Variants in RORA observed in about 807,000 individuals in gnomAD.
The protein encoded by RORA is nuclear receptor ROR-alpha.
A neutral mutation model predicts 69.5 loss-of-function variants in RORA; 7 were observed. The observed-to-expected ratio is 0.10, with a 90% CI of 0.06 to 0.19. The LOEUF (loss-of-function observed/expected upper bound fraction) is 0.19, where lower values mean the gene tolerates loss of function less well. Among genes scored for constraint, RORA ranks in the 10% least tolerant of loss-of-function variants. The pLI is 1.00. For synonymous variants in RORA, 261 were observed against 240.8 expected (o/e 1.08, Z -0.78); for missense variants, 457 against 663.0 (o/e 0.69, Z 3.41).
chr15:60,651,717 A>G (rs944510515), intron 2 of RORA, among the ~76,000 whole-genome samples: 3 of 152,184 alleles, frequency 2.0e-5, no homozygotes, highest in Non-Finnish European at 4.4e-5. Context: ...CTTCAGCCCC[A>G]GTCTTTTTAA....
At chr15:60,797,783 G>A (rs1266453810) in intron 1 of RORA, among the ~76,000 whole-genome samples, 2 of 152,072 alleles carry the variant, frequency 1.3e-5, no homozygotes, top group Non-Finnish European at 2.9e-5. Context: ...GGCTCATCGA[G>A]CAATTGCCAG....
At chr15:60,940,474 A>G (rs1283769980) in intron 1 of RORA, among the ~76,000 whole-genome samples, 1 of 152,182 alleles carries the variant, frequency 6.6e-6, no homozygotes, top group Non-Finnish European at 1.5e-5. Flanking sequence ...CAGAAAGCTG[A>G]TCTGTGGAAG....
At chr15:61,112,334 C>G (rs766610012) in intron 1 of RORA, among the ~76,000 whole-genome samples, 1 of 152,068 alleles carries the variant, frequency 6.6e-6, no homozygotes, top group Admixed American at 6.5e-5. Context: ...GTCTGAGAAG[C>G]CTTGCTCCAG....
intron 1 of RORA, among the ~76,000 whole-genome samples, chr15:60,903,166 T>A (rs1891438412): frequency 6.6e-6 from 1 of 152,056 alleles, no homozygotes; most frequent in Non-Finnish European, 1.5e-5. Flanking sequence ...GGCTTGAAAT[T>A]TATATTAGTT....
At chr15:61,018,816 C>G (rs750067742) in intron 1 of RORA, among the ~76,000 whole-genome samples, 8 of 152,124 alleles carry the variant, frequency 5.3e-5, no homozygotes, top group Non-Finnish European at 8.8e-5. Context: ...CACACATCCT[C>G]ATAAATGGTA....
In RORA at chr15:60,571,682, G is replaced by A. The variant is rs140318511; in HGVS notation, c.197-39831C>T. Among the ~76,000 whole-genome samples the A allele has an allele frequency of 5.4e-3, 824 of 152,150 alleles. 6 individuals are homozygous for A. The highest frequency in any genetic ancestry group is 0.02 in the Middle Eastern group (6 of 294). ...ATGGTGTTTAATCTCCCAACCACCC[G>A]ATTATAAAGTTAGCAGATTGCACTA... On this transcript the variant is annotated intron_variant, in intron 2 of 10. Transcript: ENST00000335670.
At chr15:61,022,829 T>C (rs950466224) in intron 1 of RORA, among the ~76,000 whole-genome samples, 16 of 152,106 alleles carry the variant, frequency 1.1e-4, no homozygotes, top group Admixed American at 9.8e-4. Context: ...TTGCATCTTG[T>C]CTTTGGCTCC....
At chr15:60,594,264 T>C (rs2068618666) in intron 2 of RORA, among the ~76,000 whole-genome samples, 1 of 152,252 alleles carries the variant, frequency 6.6e-6, no homozygotes. Context: ...CACGTTCCTA[T>C]GATGCAACTA....
chr15:61,216,669 G>A (rs893604141), intron 1 of RORA, among the ~76,000 whole-genome samples: 1 of 152,170 alleles, frequency 6.6e-6, no homozygotes, highest in South Asian at 2.1e-4. Context: ...AATAGTGGGA[G>A]CAGGGAGACA....
chr15:60,972,422 T>C (rs1893745456), intron 1 of RORA, among the ~76,000 whole-genome samples: 1 of 152,236 alleles, frequency 6.6e-6, no homozygotes, highest in South Asian at 2.1e-4. Flanking sequence ...TCTGTGATAC[T>C]GTTGGAACAA....
chr15:61,103,672 C>T (rs2078911765), intron 1 of RORA, among the ~76,000 whole-genome samples: 1 of 152,168 alleles, frequency 6.6e-6, no homozygotes, highest in Non-Finnish European at 1.5e-5. Context: ...CATTCTAATT[C>T]TCAGGGCATT....
chr15:61,037,141 T>A (rs1896498005), intron 1 of RORA, among the ~76,000 whole-genome samples: 1 of 152,206 alleles, frequency 6.6e-6, no homozygotes, highest in African/African-American at 2.4e-5. Context: ...TGCTTCAGTC[T>A]CCTTATCTTC....
intron 1 of RORA, among the ~76,000 whole-genome samples, chr15:60,889,649 C>A (rs2073792831): frequency 6.6e-6 from 1 of 152,212 alleles, no homozygotes; most frequent in Non-Finnish European, 1.5e-5. Context: ...GGCACCAACG[C>A]CCCTGGAACT....
chr15:60,532,373 T>G (rs558785323), intron 2 of RORA, among the ~76,000 whole-genome samples: 64 of 152,208 alleles, frequency 4.2e-4, no homozygotes, highest in Admixed American at 3.3e-4. Context: ...GCAGTTGCCA[T>G]GTGTTAAAAA....
At chr15:60,703,218 A>C (rs944423180) in intron 1 of RORA, among the ~76,000 whole-genome samples, 3 of 152,012 alleles carry the variant, frequency 2.0e-5, no homozygotes, top group Non-Finnish European at 4.4e-5. Flanking sequence ...TGACAAGATA[A>C]ATCTAAGCTG....
rs148229084 is a variant in RORA at position 61,078,492 on chromosome 15, C to A, written c.166+150561G>T. ...GGGATTACAGGCATGAGCTACTGCA[C>A]CTGGCCCAAACTAAAGGCTTTAAAC... On this transcript the variant is annotated intron_variant, in intron 1 of 10. Coordinates refer to ENST00000335670, the MANE Select transcript of RORA (RefSeq NM_134261.3). 4.2e-3 allele frequency among the ~76,000 whole-genome samples: 646 copies of A among 152,302 alleles called. 4 individuals carry two copies. The highest frequency in any genetic ancestry group is 0.02 in the Middle Eastern group (6 of 294).
chr15:60,751,487 T>C (rs1026175487), intron 1 of RORA, among the ~76,000 whole-genome samples: 4 of 152,206 alleles, frequency 2.6e-5, no homozygotes, highest in Non-Finnish European at 4.4e-5. Context: ...AAAATATGCA[T>C]GTTTATTTAA....
chr15:60,807,198 C>T (rs1014818398), intron 1 of RORA, among the ~76,000 whole-genome samples: 7 of 152,134 alleles, frequency 4.6e-5, no homozygotes, highest in African/African-American at 1.7e-4. Context: ...AGGTCTGATA[C>T]ATGAATTCAC....
chr15:60,837,212 G>T (rs1213419484), intron 1 of RORA, among the ~76,000 whole-genome samples: 2 of 151,760 alleles, frequency 1.3e-5, no homozygotes, highest in East Asian at 3.9e-4. Context: ...TTTGTCTTTG[G>T]CCCTTCCTTC....
Sources: gnomAD v4.1 joint callset for allele counts (sites outside exome capture counted in the v4.1 genomes callset) on GRCh38, gnomAD v4.1.1 for gene constraint, MANE v1.5 for transcripts, NCBI Gene and HGNC (gene_info 2026-07-23, HGNC 2026-07-21) for gene names.